Variants in DMD observed in about 807,000 individuals in gnomAD.
The protein encoded by DMD is dystrophin.
DMD carries 63 observed loss-of-function variants against 330.1 expected under a neutral mutation model. The observed-to-expected ratio is 0.19, with a 90% CI of 0.16 to 0.24. The LOEUF is 0.24. Among genes scored for constraint, DMD ranks in the 10% least tolerant of loss-of-function variants. The pLI is 1.00. For missense variants in DMD, 3,344 were observed against 2,684.1 expected, an observed-to-expected ratio of 1.25 and a Z score of -5.43; for synonymous variants, 1,223 against 959.8, an observed-to-expected ratio of 1.27 and a Z score of -5.07.
chrX:31,512,625 G>C (rs1368785785), intron 55 of DMD, among the ~76,000 whole-genome samples: 2 of 109,770 alleles, frequency 1.8e-5, no homozygotes, highest in African/African-American at 3.3e-5. Flanking sequence ...TCTCAGGTTT[G>C]TTAAAGATCA....
At chrX:32,681,034 TTATC>T (rs2062378392) in intron 9 of DMD, among the ~76,000 whole-genome samples, 2 of 112,413 alleles carry the variant, frequency 1.8e-5, no homozygotes, top group Admixed American at 9.4e-5. Context: ...GTTTTCCTCT[TTATC>T]TAATCTTTTT....
chrX:31,208,908 T>C (rs908331297), intron 65 of DMD, among the ~76,000 whole-genome samples: 1 of 110,424 alleles, frequency 9.1e-6, no homozygotes, highest in African/African-American at 3.3e-5. Flanking sequence ...AAACAAACAA[T>C]TGTTCTCTAA....
chrX:32,676,433 C>T (rs775009676), intron 9 of DMD, among the ~76,000 whole-genome samples: 1 of 111,079 alleles, frequency 9.0e-6, no homozygotes, highest in African/African-American at 3.3e-5. Flanking sequence ...TAGTATTTTG[C>T]CTGGCTTTCC....
chrX:33,163,223 C>G, intron 1 of DMD, among the ~76,000 whole-genome samples: 1 of 111,145 alleles, frequency 9.0e-6, no homozygotes, highest in Non-Finnish European at 1.9e-5. Context: ...TTAGAACAGA[C>G]CTCTTCAGTA....
At chrX:32,800,547 G>GT (rs1486925691) in intron 7 of DMD, among the ~76,000 whole-genome samples, 1 of 111,595 alleles carries the variant, frequency 9.0e-6, no homozygotes, top group Admixed American at 9.6e-5. Flanking sequence ...GCAGCCATAA[G>GT]TAAACTTTAA....
At chrX:31,478,734 A>G (rs1320157345) in intron 58 of DMD, among the ~76,000 whole-genome samples, 1 of 111,903 alleles carries the variant, frequency 8.9e-6, no homozygotes, top group East Asian at 2.8e-4. Context: ...TTTGTTTATT[A>G]TTTTCTAAAT....
intron 1 of DMD, among the ~76,000 whole-genome samples, chrX:33,322,334 C>T (rs1292460186): frequency 3.8e-5 from 4 of 104,528 alleles, no homozygotes; most frequent in African/African-American, 1.4e-4. Flanking sequence ...GGCTTCATTT[C>T]AATATTGGTT....
chrX:32,374,274 T>C (rs1313182300), intron 34 of DMD, among the ~76,000 whole-genome samples: 2 of 111,882 alleles, frequency 1.8e-5, no homozygotes, highest in Non-Finnish European at 3.8e-5. Context: ...CTGTGTTGAT[T>C]GTTTCTTTTT....
At chrX:32,309,231 T>G (rs968352855) in intron 42 of DMD, among the ~76,000 whole-genome samples, 6 of 111,794 alleles carry the variant, frequency 5.4e-5, no homozygotes, top group Non-Finnish European at 7.6e-5. Context: ...TGATATAGAA[T>G]GAGCTTCCAG....
intron 13 of DMD, 125 bp from the exon 14 acceptor site, chrX:32,573,971 C>G (rs2052731746): frequency 3.7e-6 from 2 of 546,659 alleles, no homozygotes; most frequent in Non-Finnish European, 6.4e-6. Flanking sequence ...GGAAGGGACA[C>G]TCTTTCTGAT....
intron 9 of DMD, among the ~76,000 whole-genome samples, chrX:32,664,506 G>T (rs901251892): frequency 1.8e-5 from 2 of 110,627 alleles, no homozygotes; most frequent in East Asian, 2.9e-4. Flanking sequence ...CTCTCAAAGT[G>T]CTGGGATTAC....
intron 1 of DMD, among the ~76,000 whole-genome samples, chrX:33,223,172 G>A (rs1484816901): frequency 9.0e-6 from 1 of 111,288 alleles, no homozygotes; most frequent in African/African-American, 3.3e-5. Flanking sequence ...TTAGCTGGGA[G>A]TGGTGGCACA....
chrX:31,796,650 T>A (rs983414040), intron 50 of DMD, among the ~76,000 whole-genome samples: 5 of 111,763 alleles, frequency 4.5e-5, no homozygotes, highest in Non-Finnish European at 9.4e-5. Context: ...GTAGTAAAAT[T>A]ATTTGAATTA....
chrX:32,702,358 TGAG>T (rs1569472261), intron 7 of DMD, among the ~76,000 whole-genome samples: 1 of 111,365 alleles, frequency 9.0e-6, no homozygotes, highest in Non-Finnish European at 1.9e-5. Context: ...TAGCTGGAAA[TGAG>T]GGAATGGGGA....
chrX:32,977,541 A>G (rs1219057166), intron 2 of DMD, among the ~76,000 whole-genome samples: 4 of 110,783 alleles, frequency 3.6e-5, no homozygotes. Context: ...TAAAATACCA[A>G]TATAAGGTGT....
intron 2 of DMD, among the ~76,000 whole-genome samples, chrX:32,983,316 C>T (rs1207160316): frequency 9.0e-6 from 1 of 111,308 alleles, no homozygotes; most frequent in Non-Finnish European, 1.9e-5. Flanking sequence ...AAGCATCTTG[C>T]TTTGACTACT....
intron 53 of DMD, among the ~76,000 whole-genome samples, chrX:31,664,664 GTT>G (rs57784016): frequency 2.4e-5 from 2 of 82,226 alleles, no homozygotes; most frequent in Admixed American, 1.4e-4. Flanking sequence ...TGTATCATAA[GTT>G]TTTTTTTTTT....
chrX:32,337,546 T>A (rs781078624), intron 41 of DMD, among the ~76,000 whole-genome samples: 1 of 110,415 alleles, frequency 9.1e-6, no homozygotes, highest in African/African-American at 3.3e-5. Context: ...CTTGGAAAGG[T>A]CATGTATGTA....
At chrX:31,312,641 T>C (rs868556132) in intron 62 of DMD, among the ~76,000 whole-genome samples, 1 of 112,569 alleles carries the variant, frequency 8.9e-6, no homozygotes, top group South Asian at 3.7e-4. Flanking sequence ...CATTCTACTA[T>C]AAAGACACAT....
Sources: allele counts gnomAD v4.1 joint callset (sites outside exome capture counted in the v4.1 genomes callset), GRCh38; gene constraint gnomAD v4.1.1; transcripts MANE v1.5; gene names NCBI Gene and HGNC (gene_info 2026-07-23, HGNC 2026-07-21).